The following SLIT3 variants were observed in gnomAD, a reference collection of about 807,000 sequenced individuals.
SLIT3 encodes slit guidance ligand 3.
SLIT3 carries 68 observed loss-of-function variants against 184.0 expected under a neutral mutation model. The ratio of observed to expected loss-of-function variants is 0.37; its 90% confidence interval spans 0.30 to 0.45. The LOEUF (loss-of-function observed/expected upper bound fraction) is 0.45. Among genes scored for constraint, SLIT3 ranks in the 20% least tolerant of loss-of-function variants. SLIT3 has a pLI of 1.00. For synonymous variants in SLIT3, 831 were observed against 828.6 expected, an observed-to-expected ratio of 1.00 and a Z score of -0.05; for missense variants, 1,707 against 2,026.0, an observed-to-expected ratio of 0.84 and a Z score of 3.02.
intron 4 of SLIT3, among the ~76,000 whole-genome samples, chr5:169,077,735 A>C (rs1258697306): frequency 6.6e-6 from 1 of 151,982 alleles, no homozygotes; most frequent in African/African-American, 2.4e-5. Flanking sequence ...TCAAGGGTCA[A>C]TGTATATCAA....
intron 15 of SLIT3, among the ~76,000 whole-genome samples, chr5:168,761,472 A>C (rs1755145347): frequency 1.3e-5 from 2 of 151,726 alleles, no homozygotes. Flanking sequence ...GACCACTACC[A>C]CTCATCCAGG....
intron 14 of SLIT3, among the ~76,000 whole-genome samples, chr5:168,765,963 AATTTT>A (rs1755331410): frequency 1.3e-5 from 2 of 152,140 alleles, no homozygotes; most frequent in Admixed American, 1.3e-4. Flanking sequence ...ACAGCAACAC[AATTTT>A]ATTATACATC....
chr5:168,754,359 C>G (rs1754823906), intron 16 of SLIT3, among the ~76,000 whole-genome samples: 3 of 152,150 alleles, frequency 2.0e-5, no homozygotes, highest in Non-Finnish European at 1.5e-5. Context: ...CACTGGAGGT[C>G]ACTGTGTTAA....
intron 4 of SLIT3, among the ~76,000 whole-genome samples, chr5:169,123,384 G>T (rs1169684189): frequency 6.6e-6 from 1 of 152,024 alleles, no homozygotes; most frequent in Non-Finnish European, 1.5e-5. Context: ...GAAGGAATGA[G>T]ATGATGTTGA....
chr5:168,895,612 T>C (rs1760633425), intron 4 of SLIT3, among the ~76,000 whole-genome samples: 1 of 152,174 alleles, frequency 6.6e-6, no homozygotes. Context: ...GGATGAAATA[T>C]ATAGGAGCTT....
intron 4 of SLIT3, among the ~76,000 whole-genome samples, chr5:169,060,164 T>G (rs974199893): frequency 2.6e-5 from 4 of 152,102 alleles, no homozygotes; most frequent in African/African-American, 9.7e-5. Flanking sequence ...CCAAGGCCGG[T>G]GAATCATCTG....
chr5:169,254,222 C>T (rs887926034), intron 1 of SLIT3, among the ~76,000 whole-genome samples: 9 of 152,216 alleles, frequency 5.9e-5, no homozygotes, highest in Non-Finnish European at 1.2e-4. Context: ...ATTCAACACA[C>T]GCGGTTAGAA....
At chr5:168,834,973 C>T (rs10071563) in intron 6 of SLIT3, among the ~76,000 whole-genome samples, 20,926 of 151,962 alleles carry the variant, frequency 0.14, 4,160 homozygotes, top group African/African-American at 0.44. Context: ...GCAATTCACA[C>T]TGGAATCAAT....
chr5:169,278,456 G>A (rs906707364), intron 1 of SLIT3, among the ~76,000 whole-genome samples: 11 of 152,236 alleles, frequency 7.2e-5, no homozygotes, highest in East Asian at 1.9e-4. Flanking sequence ...CCCTCTGTGC[G>A]TTAACTTGGA....
At chr5:168,786,524 C>G (rs942082974) in intron 11 of SLIT3, among the ~76,000 whole-genome samples, 7 of 152,198 alleles carry the variant, frequency 4.6e-5, no homozygotes, top group African/African-American at 1.7e-4. Flanking sequence ...CGGGAAAAAC[C>G]AGGGAGCTTT....
chr5:168,752,383 C>A (rs553825438), intron 18 of SLIT3: 1 of 143,850 alleles, frequency 7.0e-6, no homozygotes, highest in South Asian at 2.2e-4. Flanking sequence ...TCAACAAAGC[C>A]CCTGGTTTTT....
At chr5:168,809,642 T>A (rs1311221989) in intron 8 of SLIT3, among the ~76,000 whole-genome samples, 1 of 152,174 alleles carries the variant, frequency 6.6e-6, no homozygotes, top group Non-Finnish European at 1.5e-5. Context: ...GTAAATTCCA[T>A]AATGGCAGTG....
At chr5:169,115,145 G>A (rs1375362238) in intron 4 of SLIT3, among the ~76,000 whole-genome samples, 1 of 152,128 alleles carries the variant, frequency 6.6e-6, no homozygotes, top group Non-Finnish European at 1.5e-5. Context: ...TTCTAAGCAA[G>A]GAATACAAAT....
intron 4 of SLIT3, among the ~76,000 whole-genome samples, chr5:169,190,724 A>C (rs1763526545): frequency 6.6e-6 from 1 of 152,216 alleles, no homozygotes. Context: ...CATAGAATCC[A>C]CATTTAGCAT....
rs1047718211 is a variant in SLIT3 at position 168,925,355 on chromosome 5, T to C, written c.414-42019A>G. 4.6e-5 allele frequency among the ~76,000 whole-genome samples: 7 copies of C among 152,116 alleles called. No homozygotes were observed. The East Asian group carries it at 1.4e-3, about 29-fold the overall frequency. On this transcript the variant is annotated intron_variant, in intron 4 of 35. Coordinates refer to ENST00000519560, the MANE Select transcript of SLIT3 (RefSeq NM_003062.4). ...GGAAGCAGCCACCCCAGCTGCCAGA[T>C]CTGGAGTTAGACCATCTGAGCTGCC...
At chr5:168,710,805 A>G in intron 25 of SLIT3, 90 bp downstream of exon 25, 1 of 1,164,418 alleles carries the variant, frequency 8.6e-7, no homozygotes, top group Non-Finnish European at 1.1e-6. Context: ...CTGAAGCCAC[A>G]TCTGTTGAGA....
chr5:168,882,010 C>T (rs1435996209), intron 5 of SLIT3, among the ~76,000 whole-genome samples: 2 of 152,164 alleles, frequency 1.3e-5, no homozygotes, highest in African/African-American at 4.8e-5. Context: ...CCCCCAGAGA[C>T]GCCTCTGCCC....
intron 4 of SLIT3, among the ~76,000 whole-genome samples, chr5:169,177,598 G>A (rs778883695): frequency 2.4e-4 from 36 of 152,156 alleles, no homozygotes; most frequent in Non-Finnish European, 5.0e-4. Context: ...GGTCCTCAGT[G>A]GCTGTGGGAT....
At chr5:168,935,646 G>A (rs750227137) in intron 4 of SLIT3, among the ~76,000 whole-genome samples, 28 of 152,194 alleles carry the variant, frequency 1.8e-4, no homozygotes, top group Non-Finnish European at 2.9e-4. Context: ...TCTAACTCCT[G>A]GCCAAAAGGG....
Sources: allele counts gnomAD v4.1 joint callset (sites outside exome capture counted in the v4.1 genomes callset), GRCh38; gene constraint gnomAD v4.1.1; transcripts MANE v1.5; gene names NCBI Gene and HGNC (gene_info 2026-07-23, HGNC 2026-07-21).